STXBP5: variants seen among roughly 807,000 people sequenced by gnomAD.
STXBP5 encodes the protein syntaxin binding protein 5.
In STXBP5, 50 loss-of-function variants were observed where a neutral mutation model predicts 152.4. The ratio of observed to expected loss-of-function variants is 0.33; its 90% CI spans 0.26 to 0.42. The LOEUF is 0.42. STXBP5 is among the 10% of genes least tolerant of loss of function. The pLI, the probability that STXBP5 is intolerant of heterozygous loss-of-function variation, is 1.00. For missense variants in STXBP5, 1,167 were observed against 1,388.6 expected (o/e 0.84, Z 2.54); for synonymous variants, 492 against 494.7 (o/e 0.99, Z 0.07).
intron 4 of STXBP5, among the ~76,000 whole-genome samples, chr6:147,259,059 G>A (rs957130331): frequency 6.6e-6 from 1 of 152,002 alleles, no homozygotes; most frequent in African/African-American, 2.4e-5. Context: ...ATAGAGCAGA[G>A]TAATTTTTAA....
At chr6:147,223,007 T>A (rs1343521428) in intron 2 of STXBP5, among the ~76,000 whole-genome samples, 1 of 152,222 alleles carries the variant, frequency 6.6e-6, no homozygotes, top group Non-Finnish European at 1.5e-5. Flanking sequence ...GTCTTTCCAG[T>A]TTGGGGGCAG....
chr6:147,240,512 G>A (rs527408670), intron 4 of STXBP5, among the ~76,000 whole-genome samples: 38 of 152,176 alleles, frequency 2.5e-4, no homozygotes, highest in African/African-American at 8.9e-4. Context: ...GGAAGTACTT[G>A]ATTCTTTTAT....
At chr6:147,212,842 C>G (rs896837728) in intron 2 of STXBP5, among the ~76,000 whole-genome samples, 4 of 152,108 alleles carry the variant, frequency 2.6e-5, no homozygotes, top group African/African-American at 9.7e-5. Flanking sequence ...ACATTGAATA[C>G]TAAGATGGTG....
intron 9 of STXBP5, among the ~76,000 whole-genome samples, chr6:147,301,195 A>G (rs1245300462): frequency 6.6e-6 from 1 of 152,136 alleles, no homozygotes; most frequent in Non-Finnish European, 1.5e-5. Context: ...CATATAGTTG[A>G]TGGAATGTAA....
intron 19 of STXBP5, among the ~76,000 whole-genome samples, chr6:147,336,354 G>T (rs1043659231): frequency 6.6e-6 from 1 of 151,978 alleles, no homozygotes; most frequent in African/African-American, 2.4e-5. Context: ...AGTAATTTTT[G>T]CCATCTATTA....
At position 147,219,806 on chromosome 6, in the gene STXBP5, T is replaced by G. The variant is rs914423222; in HGVS notation, c.248+13738T>G. 6.0e-5 allele frequency among the ~76,000 whole-genome samples: 9 copies of G among 149,502 alleles called. 1 individual carries two copies. The South Asian group carries it at 1.9e-3, about 31-fold the overall frequency. ...TAGCATGGCTAGAAGCTTGTTTTTTTTTTTTTTTTTTTTTGAAGGAAGCAG... is the reference window on the plus strand; with the variant it reads ...TAGCATGGCTAGAAGCTTGTTTTTTGTTTTTTTTTTTTTTGAAGGAAGCAG... On this transcript the variant is annotated intron_variant, in intron 2 of 27. Coordinates refer to ENST00000321680, the MANE Select transcript of STXBP5 (RefSeq NM_001127715.4).
intron 3 of STXBP5, among the ~76,000 whole-genome samples, chr6:147,238,933 G>A (rs1295541454): frequency 6.6e-6 from 1 of 152,080 alleles, no homozygotes; most frequent in Non-Finnish European, 1.5e-5. Flanking sequence ...TTTGGCTTAT[G>A]AGATACTAAA....
intron 25 of STXBP5, among the ~76,000 whole-genome samples, chr6:147,369,318 A>G (rs1006264336): frequency 6.6e-6 from 1 of 152,100 alleles, no homozygotes; most frequent in Non-Finnish European, 1.5e-5. Flanking sequence ...ACCAAAATTT[A>G]TTCAAAATGT....
rs1428816286 is a variant in STXBP5, at chr6:147,302,670, C to T, written c.918-7414C>T. On this transcript the variant is annotated intron_variant, in intron 9 of 27. Transcript: ENST00000321680. ...ACTCTCCTAAAAATGGAGAAATTAG[C>T]CAGGCATGGTGGCATGTACCTGTAA... 9.2e-5 allele frequency among the ~76,000 whole-genome samples: 14 copies of T among 152,000 alleles called. No homozygotes were observed. The South Asian group carries it at 2.7e-3, about 29-fold the overall frequency.
chr6:147,213,477 T>TGTGCGCGCGCGCGCGCGCGCGC, intron 2 of STXBP5, among the ~76,000 whole-genome samples: 76 of 131,240 alleles, frequency 5.8e-4, no homozygotes, highest in Non-Finnish European at 1.1e-3. Context: ...TGTGTGTGTG[T>TGTGCGCGCGCGCGCGCGCGCGC]GCGCGCGCAT....
rs542260285 is a variant in STXBP5 at position 147,212,181 on chromosome 6, G to A, written c.248+6113G>A. Among the ~76,000 whole-genome samples the A allele has an allele frequency of 5.3e-5, 8 of 152,238 alleles. No homozygotes were observed. The East Asian group carries it at 9.7e-4, about 18-fold the overall frequency. ...AATCTGCTTGGAAACAGTTTATTTC[G>A]CAGTGGATTTCTTGTGGAAGGAAAC... On this transcript the variant is annotated intron_variant, in intron 2 of 27. Transcript: ENST00000321680.
chr6:147,297,133 T>C (rs892693844), intron 9 of STXBP5, among the ~76,000 whole-genome samples: 1 of 152,104 alleles, frequency 6.6e-6, no homozygotes, highest in African/African-American at 2.4e-5. Flanking sequence ...TCAAATAGAT[T>C]AAATTCAAAA....
At chr6:147,220,295 A>G (rs1777395244) in intron 2 of STXBP5, among the ~76,000 whole-genome samples, 1 of 152,056 alleles carries the variant, frequency 6.6e-6, no homozygotes, top group Non-Finnish European at 1.5e-5. Flanking sequence ...GGCCCAGAAT[A>G]TATTCTGTCT....
At chr6:147,223,979 G>A (rs375641319) in intron 2 of STXBP5, among the ~76,000 whole-genome samples, 24 of 152,306 alleles carry the variant, frequency 1.6e-4, no homozygotes, top group African/African-American at 5.8e-4. Flanking sequence ...AGACAGGGCT[G>A]TGAAACTGTT....
At chr6:147,216,146 C>T (rs1289769739) in intron 2 of STXBP5, among the ~76,000 whole-genome samples, 1 of 152,116 alleles carries the variant, frequency 6.6e-6, no homozygotes, top group Non-Finnish European at 1.5e-5. Flanking sequence ...AATCCCAGCG[C>T]TTTGGGAGGC....
intron 16 of STXBP5, among the ~76,000 whole-genome samples, chr6:147,320,577 G>GTGTGTT (rs1554297932): frequency 7.6e-6 from 1 of 131,074 alleles, no homozygotes; most frequent in Non-Finnish European, 1.6e-5. Flanking sequence ...GTGTGTGTGT[G>GTGTGTT]TGTGTGTGTG....
At chr6:147,238,977 T>C (rs1394984492) in intron 3 of STXBP5, among the ~76,000 whole-genome samples, 193 bp from the exon 4 acceptor site, 3 of 152,234 alleles carry the variant, frequency 2.0e-5, no homozygotes, top group African/African-American at 7.2e-5. Context: ...GTTAACGTAT[T>C]TACATGCATG....
At chr6:147,225,273 T>C (rs1777651923) in intron 2 of STXBP5, among the ~76,000 whole-genome samples, 1 of 152,180 alleles carries the variant, frequency 6.6e-6, no homozygotes, top group Non-Finnish European at 1.5e-5. Context: ...TATTATAGGA[T>C]AACTTATTGT....
At chr6:147,372,119 A>C (rs1439438474) in intron 25 of STXBP5, among the ~76,000 whole-genome samples, 1 of 152,138 alleles carries the variant, frequency 6.6e-6, no homozygotes, top group Admixed American at 6.5e-5. Flanking sequence ...ACTTTATAGA[A>C]ATCCAGAGGA....
Sources: gnomAD v4.1 joint callset for allele counts (sites outside exome capture counted in the v4.1 genomes callset) on GRCh38, gnomAD v4.1.1 for gene constraint, MANE v1.5 for transcripts, NCBI Gene and HGNC (gene_info 2026-07-23, HGNC 2026-07-21) for gene names.